Variants in GALNTL6 observed in about 807,000 individuals in gnomAD.
GALNTL6 encodes the protein polypeptide N-acetylgalactosaminyltransferase like 6.
A neutral mutation model predicts 73.7 loss-of-function variants in GALNTL6; 46 were observed. The ratio of observed to expected loss-of-function variants is 0.62; its 90% confidence interval spans 0.49 to 0.80. The LOEUF is 0.80. Ranked by LOEUF, GALNTL6 falls within the 30% of genes least tolerant of loss-of-function variation. The pLI, the probability that GALNTL6 is intolerant of heterozygous loss-of-function variation, is 0.00. For missense variants in GALNTL6, 604 were observed against 755.0 expected, an observed-to-expected ratio of 0.80 and a Z score of 2.34; for synonymous variants, 259 against 263.7, an observed-to-expected ratio of 0.98 and a Z score of 0.17.
intron 2 of GALNTL6, among the ~76,000 whole-genome samples, chr4:171,928,384 T>A (rs1261209941): frequency 6.6e-6 from 1 of 152,214 alleles, no homozygotes; most frequent in Non-Finnish European, 1.5e-5. Context: ...GTGGAGCCAC[T>A]GTGCTGTCAC....
intron 5 of GALNTL6, among the ~76,000 whole-genome samples, chr4:172,661,292 A>G (rs1731355589): frequency 6.6e-6 from 1 of 152,208 alleles, no homozygotes; most frequent in Admixed American, 6.5e-5. Flanking sequence ...CTTTGGACTC[A>G]AACTGCAACT....
chr4:172,121,828 A>G (rs974818231), intron 2 of GALNTL6, among the ~76,000 whole-genome samples: 1 of 152,148 alleles, frequency 6.6e-6, no homozygotes, highest in South Asian at 2.1e-4. Flanking sequence ...ACAAAAATTA[A>G]AAAGAAAAAT....
chr4:171,872,250 C>T (rs1050151144), intron 2 of GALNTL6, among the ~76,000 whole-genome samples: 1 of 152,120 alleles, frequency 6.6e-6, no homozygotes, highest in Non-Finnish European at 1.5e-5. Context: ...TGCCTGAAGC[C>T]GTGGCTGAAC....
At chr4:172,025,311 G>A (rs921811436) in intron 2 of GALNTL6, among the ~76,000 whole-genome samples, 3 of 151,886 alleles carry the variant, frequency 2.0e-5, no homozygotes, top group Non-Finnish European at 4.4e-5. Context: ...AACAAGTACG[G>A]CACCTCGCAT....
intron 5 of GALNTL6, among the ~76,000 whole-genome samples, chr4:172,476,687 C>T (rs1026906080): frequency 6.6e-6 from 1 of 152,014 alleles, no homozygotes; most frequent in African/African-American, 2.4e-5. Context: ...ATACCTTAAA[C>T]ATAAAAACTG....
At chr4:172,092,897 C>T (rs377005776) in intron 2 of GALNTL6, among the ~76,000 whole-genome samples, 4 of 131,480 alleles carry the variant, frequency 3.0e-5, no homozygotes, top group Middle Eastern at 5.2e-3. Context: ...TTTTTTGAGA[C>T]GGAGTCTTGC....
chr4:172,949,133 C>T (rs577294849), intron 9 of GALNTL6, among the ~76,000 whole-genome samples: 42 of 152,178 alleles, frequency 2.8e-4, no homozygotes, highest in East Asian at 3.8e-4. Context: ...TAGATACATA[C>T]GCACACTATG....
At chr4:172,241,957 TTGAA>T (rs1203207804) in intron 3 of GALNTL6, among the ~76,000 whole-genome samples, 2 of 152,280 alleles carry the variant, frequency 1.3e-5, no homozygotes, top group East Asian at 3.9e-4. Context: ...TTAATAAAAG[TTGAA>T]TGAAAAGAAT....
At chr4:172,384,756 T>C (rs1743401444) in intron 5 of GALNTL6, among the ~76,000 whole-genome samples, 1 of 152,116 alleles carries the variant, frequency 6.6e-6, no homozygotes, top group African/African-American at 2.4e-5. Context: ...TAAAGAATGC[T>C]TTAGCTGCAT....
chr4:172,424,884 C>T (rs1288889611), intron 5 of GALNTL6, among the ~76,000 whole-genome samples: 3 of 134,440 alleles, frequency 2.2e-5, no homozygotes, highest in Admixed American at 7.9e-5. Flanking sequence ...TTTTCAATGA[C>T]TAGAAATTTT....
chr4:171,934,463 C>T (rs376853076), intron 2 of GALNTL6, among the ~76,000 whole-genome samples: 10 of 152,212 alleles, frequency 6.6e-5, no homozygotes, highest in African/African-American at 2.2e-4. Flanking sequence ...ATGCAGGCTG[C>T]AGTGCAGTGG....
chr4:172,404,681 T>C (rs996261181), intron 5 of GALNTL6, among the ~76,000 whole-genome samples: 3 of 152,024 alleles, frequency 2.0e-5, no homozygotes, highest in Non-Finnish European at 2.9e-5. Flanking sequence ...TTACTCTACT[T>C]TAGTGTTAAA....
intron 2 of GALNTL6, among the ~76,000 whole-genome samples, chr4:172,099,607 G>A (rs1579137944): frequency 6.6e-6 from 1 of 152,076 alleles, no homozygotes; most frequent in African/African-American, 2.4e-5. Context: ...AAGATAAAAG[G>A]ATCCTTTGTG....
intron 12 of GALNTL6, among the ~76,000 whole-genome samples, chr4:173,038,765 A>T (rs1267362396): frequency 3.9e-5 from 6 of 152,218 alleles, no homozygotes; most frequent in African/African-American, 1.4e-4. Context: ...AGGACATTAA[A>T]TATTGGTTGA....
At chr4:171,819,329 C>T (rs1734622419) in intron 2 of GALNTL6, among the ~76,000 whole-genome samples, 1 of 152,134 alleles carries the variant, frequency 6.6e-6, no homozygotes, top group Admixed American at 6.6e-5. Flanking sequence ...TGGTAGATCA[C>T]TACATGATTA....
chr4:171,916,879 G>C (rs1168814585), intron 2 of GALNTL6, among the ~76,000 whole-genome samples: 1 of 151,914 alleles, frequency 6.6e-6, no homozygotes, highest in African/African-American at 2.4e-5. Context: ...ATCTCCAAAA[G>C]AACCCTCCAC....
chr4:172,147,442 T>G (rs1170072678), intron 2 of GALNTL6, among the ~76,000 whole-genome samples: 1 of 152,224 alleles, frequency 6.6e-6, no homozygotes, highest in Non-Finnish European at 1.5e-5. Flanking sequence ...TATTTATGAG[T>G]TCATCCTCGA....
chr4:172,388,203 G>A (rs1037119217), intron 5 of GALNTL6, among the ~76,000 whole-genome samples: 2 of 152,138 alleles, frequency 1.3e-5, no homozygotes, highest in Non-Finnish European at 2.9e-5. Context: ...CATGAGCTCA[G>A]CCACTTGGCT....
chr4:172,025,159 A>G (rs985692534), intron 2 of GALNTL6, among the ~76,000 whole-genome samples: 1 of 152,018 alleles, frequency 6.6e-6, no homozygotes, highest in Non-Finnish European at 1.5e-5. Context: ...TAATGTTTCC[A>G]AATAAGGGGC....
Sources: gnomAD v4.1 joint callset for allele counts (sites outside exome capture counted in the v4.1 genomes callset) on GRCh38, gnomAD v4.1.1 for gene constraint, MANE v1.5 for transcripts, NCBI Gene and HGNC (gene_info 2026-07-23, HGNC 2026-07-21) for gene names.